The following NUS1 variants were observed in gnomAD, a reference collection of about 807,000 sequenced individuals.
NUS1 encodes the protein dehydrodolichyl diphosphate synthase complex subunit NUS1.
For missense variants in NUS1, 292 were observed against 382.9 expected, an observed-to-expected ratio of 0.76 and a Z score of 1.98; for synonymous variants, 135 against 155.2, an observed-to-expected ratio of 0.87 and a Z score of 0.97.
chr6:117,680,438 G>A (rs1384701209), intron 1 of NUS1, among the ~76,000 whole-genome samples: 1 of 152,200 alleles, frequency 6.6e-6, no homozygotes, highest in Admixed American at 6.5e-5. Flanking sequence ...GATGGAACTT[G>A]TTCTTATTTC....
Position 117,703,719 on chromosome 6 carries a change from GCGTACTGA to G in NUS1, c.791+17_791+24del, listed in dbSNP as rs1263350798. On this transcript the variant is annotated intron_variant, in intron 4 of 4. Transcript: ENST00000368494. ...ACTGAGATTGTGTAAGTAATTAAAA[GCGTACTGA>G]CTTTGTTTAGATTCAGCAAGTGTTT... The G allele has an allele frequency of 6.4e-7, 1 of 1,559,482 alleles. No individual in the cohort carries two copies. Among genetic ancestry groups the G allele is most frequent in the Non-Finnish European group, 8.8e-7 (1 of 1,130,190 alleles).
intron 1 of NUS1, among the ~76,000 whole-genome samples, 165 bp downstream of exon 1, chr6:117,676,250 C>T (rs1024478147): frequency 6.6e-6 from 1 of 152,254 alleles, no homozygotes; most frequent in Non-Finnish European, 1.5e-5. Flanking sequence ...CCTACTAATT[C>T]TCTGGATTTG....
intron 1 of NUS1, among the ~76,000 whole-genome samples, chr6:117,689,093 A>G (rs976785484): frequency 6.6e-6 from 1 of 152,224 alleles, no homozygotes; most frequent in African/African-American, 2.4e-5. Flanking sequence ...TCAAGGAGCC[A>G]GGTTACGTGT....
intron 3 of NUS1, among the ~76,000 whole-genome samples, chr6:117,694,609 C>G (rs1192371312): frequency 3.9e-5 from 6 of 151,994 alleles, no homozygotes; most frequent in Non-Finnish European, 8.8e-5. Flanking sequence ...ATTATTCTTT[C>G]TATTATGCTA....
At chr6:117,691,552 G>GATATATATATATATAT (rs1236328961) in intron 1 of NUS1, among the ~76,000 whole-genome samples, 54 of 37,532 alleles carry the variant, frequency 1.4e-3, no homozygotes, top group South Asian at 7.3e-3. Context: ...CTGTGCCATA[G>GATATATATATATATAT]ATATAGATAT....
At chr6:117,694,817 A>C (rs970294585) in intron 3 of NUS1, among the ~76,000 whole-genome samples, 2 of 152,132 alleles carry the variant, frequency 1.3e-5, no homozygotes, top group Admixed American at 1.3e-4. Flanking sequence ...TAGTAAATTC[A>C]TGTTCATTAA....
At chr6:117,689,521 G>A (rs1291679187) in intron 1 of NUS1, among the ~76,000 whole-genome samples, 1 of 151,776 alleles carries the variant, frequency 6.6e-6, no homozygotes, top group Non-Finnish European at 1.5e-5. Flanking sequence ...TCTGGCTGGA[G>A]TGTTATGGAG....
intron 3 of NUS1, among the ~76,000 whole-genome samples, chr6:117,695,256 A>G (rs1582472382): frequency 1.3e-5 from 2 of 149,328 alleles, no homozygotes; most frequent in South Asian, 4.2e-4. Flanking sequence ...TAACTTATTT[A>G]CTTAACTCTC....
intron 2 of NUS1, 37 bp from the exon 3 acceptor site, chr6:117,693,994 A>G (rs748156869): frequency 6.3e-7 from 1 of 1,586,156 alleles, no homozygotes; most frequent in Non-Finnish European, 8.6e-7. Flanking sequence ...CCTGGAAGAG[A>G]GTGTTTTTAA....
At chr6:117,678,351 A>G (rs1387145390) in intron 1 of NUS1, among the ~76,000 whole-genome samples, 2 of 152,190 alleles carry the variant, frequency 1.3e-5, no homozygotes, top group African/African-American at 2.4e-5. Flanking sequence ...TACAGGTGAC[A>G]GTTGGGGTCT....
At chr6:117,691,868 C>T (rs1299216269) in intron 1 of NUS1, among the ~76,000 whole-genome samples, 2 of 151,592 alleles carry the variant, frequency 1.3e-5, no homozygotes, top group Non-Finnish European at 2.9e-5. Flanking sequence ...ATTTATTCAT[C>T]ACGTTGCTCT....
At chr6:117,703,838 C>T in intron 4 of NUS1, 134 bp downstream of exon 4, 2 of 683,248 alleles carry the variant, frequency 2.9e-6, no homozygotes, top group Non-Finnish European at 5.2e-6. Flanking sequence ...TTCACAGTAC[C>T]ACTGGTAAAA....
At chr6:117,690,759 A>G (rs1357004542) in intron 1 of NUS1, among the ~76,000 whole-genome samples, 2 of 152,086 alleles carry the variant, frequency 1.3e-5, no homozygotes, top group Admixed American at 6.5e-5. Context: ...TGGGAGGCCG[A>G]GGTGGGCGGA....
chr6:117,682,858 T>A (rs1773082511), intron 1 of NUS1, among the ~76,000 whole-genome samples: 1 of 152,238 alleles, frequency 6.6e-6, no homozygotes, highest in African/African-American at 2.4e-5. Flanking sequence ...GTAGTCACTT[T>A]TAGTACTGTT....
intron 4 of NUS1, 56 bp from the exon 5 acceptor site, chr6:117,706,869 C>G: frequency 7.4e-7 from 1 of 1,358,570 alleles, no homozygotes; most frequent in Non-Finnish European, 1.1e-6. Flanking sequence ...TTCTGGTTCC[C>G]CCCTACATTA....
At chr6:117,676,968 A>G (rs1344637248) in intron 1 of NUS1, among the ~76,000 whole-genome samples, 3 of 152,204 alleles carry the variant, frequency 2.0e-5, no homozygotes, top group Non-Finnish European at 4.4e-5. Flanking sequence ...GGCAGAAAAG[A>G]AAATGGTCCC....
At chr6:117,681,559 TA>T (rs1773062194) in intron 1 of NUS1, among the ~76,000 whole-genome samples, 2 of 152,216 alleles carry the variant, frequency 1.3e-5, no homozygotes, top group Non-Finnish European at 2.9e-5. Context: ...TATTGAGAAG[TA>T]TGATTTTCTT....
At chr6:117,705,077 C>A (rs947292990) in intron 4 of NUS1, among the ~76,000 whole-genome samples, 1 of 152,044 alleles carries the variant, frequency 6.6e-6, no homozygotes, top group African/African-American at 2.4e-5. Flanking sequence ...GAGAAGAGAA[C>A]GTGTAGCATG....
chr6:117,690,454 T>C (rs1368692915), intron 1 of NUS1, among the ~76,000 whole-genome samples: 1 of 152,214 alleles, frequency 6.6e-6, no homozygotes, highest in Non-Finnish European at 1.5e-5. Context: ...AGCTCCCATA[T>C]TCTTTCAGCA....
Sources: allele counts gnomAD v4.1 joint callset (sites outside exome capture counted in the v4.1 genomes callset), GRCh38; gene constraint gnomAD v4.1.1; transcripts MANE v1.5; gene names NCBI Gene and HGNC (gene_info 2026-07-23, HGNC 2026-07-21).